The following RHD variants were observed in gnomAD, a reference collection of about 807,000 sequenced individuals.
The protein encoded by RHD is blood group Rh(D) polypeptide.
RHD carries 16 observed loss-of-function variants against 45.5 expected under a neutral mutation model. That is an observed-to-expected ratio of 0.35 (90% CI 0.24 to 0.53). The LOEUF is 0.53. Among genes scored for constraint, RHD ranks in the 20% least tolerant of loss-of-function variants. The pLI is 0.92. For synonymous variants in RHD, 131 were observed against 217.5 expected, an observed-to-expected ratio of 0.60 and a Z score of 3.50; for missense variants, 306 against 532.0, an observed-to-expected ratio of 0.58 and a Z score of 4.18.
chr1:25,287,828 C>G (rs1193773963), intron 2 of RHD, among the ~76,000 whole-genome samples: 1 of 74,588 alleles, frequency 1.3e-5, no homozygotes, highest in East Asian at 4.7e-4. Context: ...CTCAAGTGAT[C>G]CTCCCACCTC....
rs567108013 is a variant in RHD, at chr1:25,299,244, C to T, written c.487-1702C>T. Among the ~76,000 whole-genome samples the T allele has an allele frequency of 1.6e-5, 2 of 128,552 alleles. 1 individual carries two copies. The allele number at this position is 128,552 out of a possible 152,430, so 84.3% of individuals were successfully genotyped here. A position where few individuals can be genotyped will look rare whatever the true frequency, so the allele number is the denominator to read the frequency against. Reference sequence around the variant, plus strand: ...TAAAAATACAAAAATTAGCCGGGCACGGTGGTGGGTGCCTGTAATCCCAGC... The same window carrying T: ...TAAAAATACAAAAATTAGCCGGGCATGGTGGTGGGTGCCTGTAATCCCAGC... On this transcript the variant is annotated intron_variant, in intron 3 of 9. Coordinates refer to ENST00000328664, the MANE Select transcript of RHD (RefSeq NM_016124.6).
intron 5 of RHD, 40 bp from the exon 6 acceptor site, chr1:25,303,282 T>C: frequency 8.1e-7 from 1 of 1,237,728 alleles, no homozygotes; most frequent in East Asian, 2.3e-5. Flanking sequence ...GTGTTCTCTC[T>C]CTACCTTGCT....
intron 7 of RHD, among the ~76,000 whole-genome samples, chr1:25,315,401 G>C (rs1644385088): frequency 7.7e-6 from 1 of 130,146 alleles, no homozygotes; most frequent in Non-Finnish European, 1.8e-5. Flanking sequence ...ATGGCTGCCT[G>C]AATGGTTGGG....
At chr1:25,285,393 C>A (rs2124624883) in intron 2 of RHD, among the ~76,000 whole-genome samples, 1 of 134,744 alleles carries the variant, frequency 7.4e-6, no homozygotes, top group East Asian at 1.9e-4. Flanking sequence ...CTCGGCCTCC[C>A]AAAGTGCTGG....
intron 9 of RHD, among the ~76,000 whole-genome samples, chr1:25,325,054 GAAAA>G (rs1210700112): frequency 2.1e-5 from 1 of 46,718 alleles, no homozygotes; most frequent in African/African-American, 1.1e-4. Context: ...TCTCAAAAGA[GAAAA>G]AAAAAGTAAG....
At chr1:25,274,543 G>C (rs1158457500) in intron 1 of RHD, among the ~76,000 whole-genome samples, 1 of 132,974 alleles carries the variant, frequency 7.5e-6, no homozygotes, top group African/African-American at 2.6e-5. Context: ...GGAGACGATG[G>C]TGTCAGGGGA....
rs764104126 is a variant in RHD, at chr1:25,301,503, C to T, written c.635-17C>T. The T allele has an allele frequency of 2.1e-5, 29 of 1,377,330 alleles. 7 individuals are homozygous for T. The South Asian group carries it at 3.3e-4, about 16-fold the overall frequency. The allele number at this position is 1,377,330 out of a possible 1,614,324, so 85.3% of individuals were successfully genotyped here. ...GCAGGAGTGTGATTCTGGCCAACCA[C>T]CCTCTCTGGCCCCCAGGCGCCCTCT... is the stretch of plus-strand genomic sequence containing the variant. On this transcript the variant is annotated splice_polypyrimidine_tract_variant and intron_variant, in intron 4 of 9. Transcript: ENST00000328664.
chr1:25,283,400 A>G (rs28438961), intron 1 of RHD, among the ~76,000 whole-genome samples: 1,851 of 130,244 alleles, frequency 0.014, 214 homozygotes, highest in African/African-American at 0.046. Flanking sequence ...GCACGGTGGC[A>G]GGCACCTGTA....
At chr1:25,319,759 C>A (rs1167932800) in intron 8 of RHD, among the ~76,000 whole-genome samples, 1 of 132,416 alleles carries the variant, frequency 7.6e-6, no homozygotes, top group African/African-American at 2.6e-5. Context: ...AGAAACAATC[C>A]TATCAAGCAT....
chr1:25,294,071 T>C (rs1173226304), intron 3 of RHD: 1 of 680,898 alleles, frequency 1.5e-6, no homozygotes, highest in Non-Finnish European at 2.7e-6. Flanking sequence ...AATGGGCTTA[T>C]CTGTTATTTC....
chr1:25,329,237 G>T lies in RHD; in HGVS notation c.*313G>T, dbSNP rs199503320. 17,266 of 229,288 alleles carry T rather than the reference G, an allele frequency of 0.075. 119 individuals carry two copies. Among genetic ancestry groups the T allele is most frequent in the East Asian group, 0.11 (1,528 of 13,628 alleles). 14.2% of individuals were successfully genotyped at this position (229,288 alleles called of 1,614,324 possible). On this transcript the variant is annotated 3_prime_UTR_variant, in exon 10 of 10. Transcript: ENST00000328664. The stretch of plus-strand genomic sequence containing the variant: ...TAAGGTTAATTTATTATTATTCCTT[G>T]TTTTTTTTTTTTTTTTTTTTTTTTT...
intron 3 of RHD, among the ~76,000 whole-genome samples, chr1:25,298,430 A>T (rs1381708644): frequency 1.6e-5 from 2 of 128,036 alleles, no homozygotes; most frequent in Non-Finnish European, 3.7e-5. Flanking sequence ...TTTCCTCAAA[A>T]CTTCAATTCA....
intron 8 of RHD, among the ~76,000 whole-genome samples, chr1:25,318,585 CA>C (rs532453902): frequency 8.3e-5 from 10 of 121,170 alleles, no homozygotes; most frequent in East Asian, 2.0e-4. Context: ...GAGACTGTCT[CA>C]AAAAAAAAAG....
At position 25,286,375 on chromosome 1, in the gene RHD, G is replaced by A. The variant is rs1323079865; in HGVS notation, c.335+1616G>A. Among the ~76,000 whole-genome samples, 21 of 135,014 alleles carry A rather than the reference G, an allele frequency of 1.6e-4. 6 individuals are homozygous for A. Among genetic ancestry groups the A allele is most frequent in the Non-Finnish European group, 3.3e-4 (19 of 57,004 alleles). The allele number at this position is 135,014 out of a possible 152,430, so 88.6% of individuals were successfully genotyped here. ...GTGGTGGTGTGCACCCACAGTCCCAGCTACTTGGGAGGCTGAGGCAGGAGG... is the reference window on the plus strand; with the variant it reads ...GTGGTGGTGTGCACCCACAGTCCCAACTACTTGGGAGGCTGAGGCAGGAGG... On this transcript the variant is annotated intron_variant, in intron 2 of 9. Transcript: ENST00000328664.
Position 25,329,082 on chromosome 1 carries a change from C to T in RHD, c.*158C>T, listed in dbSNP as rs1245628696. On this transcript the variant is annotated 3_prime_UTR_variant, in exon 10 of 10. Coordinates refer to ENST00000328664, the MANE Select transcript of RHD (RefSeq NM_016124.6). ...AAAATGGAGTTGAATCCTTTCTCTG[C>T]CACTCTTTGAGGAGAATCTCACCAT... 1.4e-5 allele frequency: 18 copies of T among 1,306,910 alleles called. 5 individuals carry two copies. The highest frequency in any genetic ancestry group is 1.7e-5 in the Non-Finnish European group (16 of 921,366). The allele number at this position is 1,306,910 out of a possible 1,614,324, so 81.0% of individuals were successfully genotyped here. A position where few individuals can be genotyped will look rare whatever the true frequency, so the allele number is the denominator to read the frequency against.
rs1643456756 is a variant in RHD, at chr1:25,302,394, G to C, written c.801+708G>C. ...TGGTGGGGCTCGGGTGGGAGGCACT[G>C]GGGGGGCTGGAGTGGAAAGAATGTG... On this transcript the variant is annotated intron_variant, in intron 5 of 9. Coordinates refer to ENST00000328664, the MANE Select transcript of RHD (RefSeq NM_016124.6). 1.6e-5 allele frequency among the ~76,000 whole-genome samples: 2 copies of C among 123,372 alleles called. 1 individual carries two copies. The highest frequency in any genetic ancestry group is 6.2e-5 in the African/African-American group (2 of 32,438). The allele number at this position is 123,372 out of a possible 152,430, so 80.9% of individuals were successfully genotyped here. A position where few individuals can be genotyped will look rare whatever the true frequency, so the allele number is the denominator to read the frequency against.
rs186520495 is a variant in RHD at position 25,319,921 on chromosome 1, G to A, written c.1154-1968G>A. Among the ~76,000 whole-genome samples the A allele has an allele frequency of 1.1e-4, 14 of 130,110 alleles. 1 individual carries two copies. The East Asian group carries it at 2.6e-3, about 24-fold the overall frequency. The allele number at this position is 130,110 out of a possible 152,430, so 85.4% of individuals were successfully genotyped here. A position where few individuals can be genotyped will look rare whatever the true frequency, so the allele number is the denominator to read the frequency against. ...TTCTTTTTTTTTTCTTTTTTTAGAC[G>A]CAGTTTTGCTCTTGTTGCCCAGGCT... On this transcript the variant is annotated intron_variant, in intron 8 of 9. Transcript: ENST00000328664.
At position 25,317,096 on chromosome 1, in the gene RHD, CT is replaced by C. The variant is rs1644475529; in HGVS notation, c.1153+20del. On this transcript the variant is annotated intron_variant, in intron 8 of 9. Coordinates refer to ENST00000328664, the MANE Select transcript of RHD (RefSeq NM_016124.6). ...TCCTGACAGGTCAGTGTGAGGCCAC[CT>C]TTCTTCCACCATTGCCAGGACACAG... 1 of 109,492 alleles carries C rather than the reference CT, an allele frequency of 9.1e-6. No homozygotes were observed. The highest frequency in any genetic ancestry group is 3.9e-5 in the African/African-American group (1 of 25,520). The allele number at this position is 109,492 out of a possible 1,614,324, so 6.8% of individuals were successfully genotyped here.
rs1349041963 is a variant in RHD at position 25,288,366 on chromosome 1, G to C, written c.336-2275G>C. ...TTTTTTTTTTTTTGCTTTTTGTAGAGATGGAGTCTCACTATGTTGCCCAGG... is the reference window on the plus strand; with the variant it reads ...TTTTTTTTTTTTTGCTTTTTGTAGACATGGAGTCTCACTATGTTGCCCAGG... On this transcript the variant is annotated intron_variant, in intron 2 of 9. Coordinates refer to ENST00000328664, the MANE Select transcript of RHD (RefSeq NM_016124.6). Among the ~76,000 whole-genome samples the C allele has an allele frequency of 5.6e-5, 7 of 124,698 alleles. 2 individuals carry two copies. Among genetic ancestry groups the C allele is most frequent in the Non-Finnish European group, 1.1e-4 (6 of 53,016 alleles). 81.8% of individuals were successfully genotyped at this position (124,698 alleles called of 152,430 possible).
Sources: gnomAD v4.1 joint callset for allele counts (sites outside exome capture counted in the v4.1 genomes callset) on GRCh38, gnomAD v4.1.1 for gene constraint, MANE v1.5 for transcripts, NCBI Gene and HGNC (gene_info 2026-07-23, HGNC 2026-07-21) for gene names.